PALLD: variants seen among roughly 807,000 people sequenced by gnomAD.
PALLD encodes the protein palladin.
A neutral mutation model predicts 123.5 loss-of-function variants in PALLD; 61 were observed. That is an observed-to-expected ratio of 0.49 (90% CI 0.40 to 0.61). The LOEUF (loss-of-function observed/expected upper bound fraction) is 0.61, where lower values mean the gene tolerates loss of function less well. PALLD is among the 20% of genes least tolerant of loss of function. The pLI is 0.00. For missense variants in PALLD, 1,273 were observed against 1,377.0 expected (o/e 0.92, Z 1.20); for synonymous variants, 465 against 496.4 (o/e 0.94, Z 0.84).
chr4:168,502,905 A>G (rs1761572371), intron 1 of PALLD, among the ~76,000 whole-genome samples: 1 of 152,206 alleles, frequency 6.6e-6, no homozygotes, highest in South Asian at 2.1e-4. Context: ...CCCTCACTCA[A>G]AAGAGCAGAA....
chr4:168,840,376 G>GA (rs1408549522), intron 10 of PALLD, among the ~76,000 whole-genome samples: 8 of 152,168 alleles, frequency 5.3e-5, no homozygotes, highest in African/African-American at 1.4e-4. Context: ...TTGAAGGGCA[G>GA]AAAAAATCAG....
chr4:168,681,221 C>A, intron 3 of PALLD, 111 bp from the exon 4 acceptor site: 1 of 706,130 alleles, frequency 1.4e-6, no homozygotes, highest in Non-Finnish European at 2.5e-6. Context: ...TTGTGTGTTT[C>A]GGTCAAAAAG....
At chr4:168,735,928 T>C (rs1223871504) in intron 10 of PALLD, among the ~76,000 whole-genome samples, 1 of 152,210 alleles carries the variant, frequency 6.6e-6, no homozygotes, top group East Asian at 1.9e-4. Flanking sequence ...GAATTACTCC[T>C]ATTAATAGCT....
chr4:168,809,363 G>A (rs538192144), intron 10 of PALLD, among the ~76,000 whole-genome samples: 1 of 150,796 alleles, frequency 6.6e-6, no homozygotes, highest in Non-Finnish European at 1.5e-5. Context: ...GAGAGACAGG[G>A]TCTCACCCTG....
chr4:168,706,528 G>T (rs921871286), intron 8 of PALLD, among the ~76,000 whole-genome samples: 3 of 152,130 alleles, frequency 2.0e-5, no homozygotes, highest in Non-Finnish European at 4.4e-5. Context: ...GTAGTCCTCA[G>T]ATCTTTCCTA....
chr4:168,880,707 CA>C (rs1752493767), intron 10 of PALLD, among the ~76,000 whole-genome samples: 1 of 152,148 alleles, frequency 6.6e-6, no homozygotes, highest in Non-Finnish European at 1.5e-5. Context: ...CAGGAACTGC[CA>C]AGTTATCATA....
rs574633794 is a variant in PALLD at position 168,648,635 on chromosome 4, G to C, written c.909-19555G>C. 8.5e-5 allele frequency: 13 copies of C among 152,260 alleles called. No homozygotes were observed. The South Asian group carries it at 2.7e-3, about 32-fold the overall frequency. 9.4% of individuals were successfully genotyped at this position (152,260 alleles called of 1,614,324 possible). ...TTTGCACCAAGCATCTGCTTTTAAGGTCTCTTCATGAATGTTCTTCTTATG... is the reference window on the plus strand; with the variant it reads ...TTTGCACCAAGCATCTGCTTTTAAGCTCTCTTCATGAATGTTCTTCTTATG... On this transcript the variant is annotated intron_variant, in intron 2 of 21. Coordinates refer to ENST00000505667, the MANE Select transcript of PALLD (RefSeq NM_001166108.2).
chr4:168,912,624 T>C (rs1337243976), intron 15 of PALLD, among the ~76,000 whole-genome samples: 1 of 152,210 alleles, frequency 6.6e-6, no homozygotes, highest in Non-Finnish European at 1.5e-5. Context: ...TGATTATACA[T>C]ATTTATGAGG....
intron 10 of PALLD, among the ~76,000 whole-genome samples, chr4:168,804,115 G>A (rs1195284011): frequency 6.6e-6 from 1 of 152,162 alleles, no homozygotes; most frequent in East Asian, 1.9e-4. Context: ...GCCCTTGAGA[G>A]TACTGCCCAA....
rs181397232 is a variant in PALLD at position 168,507,911 on chromosome 4, G to C, written c.-82-3512G>C. Among the ~76,000 whole-genome samples, 35 of 152,050 alleles carry C rather than the reference G, an allele frequency of 2.3e-4. No homozygotes were observed. In the South Asian group the frequency reaches 4.0e-3, roughly 17 times the overall value. ...TACCTGAGTCTGCCATGTGCTCTCT[G>C]GGATCCAAGTCTTAAAATACATATT... On this transcript the variant is annotated intron_variant, in intron 1 of 21. Coordinates refer to ENST00000505667, the MANE Select transcript of PALLD (RefSeq NM_001166108.2).
chr4:168,822,209 T>C (rs1292966009), intron 10 of PALLD, among the ~76,000 whole-genome samples: 2 of 148,692 alleles, frequency 1.3e-5, no homozygotes, highest in Admixed American at 1.4e-4. Flanking sequence ...TGTGTGATAA[T>C]AATGAACCTA....
chr4:168,909,214 A>G (rs937866196), intron 15 of PALLD, among the ~76,000 whole-genome samples: 2 of 152,180 alleles, frequency 1.3e-5, no homozygotes, highest in African/African-American at 4.8e-5. Flanking sequence ...TTGTGTTGCT[A>G]AGTTACTTTG....
chr4:168,608,243 T>G (rs1295306402), intron 2 of PALLD, among the ~76,000 whole-genome samples: 1 of 152,200 alleles, frequency 6.6e-6, no homozygotes, highest in Non-Finnish European at 1.5e-5. Context: ...ACTCCATGCT[T>G]TATAACTAAA....
At chr4:168,628,661 C>T (rs1775530989) in intron 2 of PALLD, among the ~76,000 whole-genome samples, 1 of 152,148 alleles carries the variant, frequency 6.6e-6, no homozygotes, top group Admixed American at 6.5e-5. Context: ...CTGGCCGCTC[C>T]GTTTTAAATT....
chr4:168,794,953 G>C (rs1204727104), intron 10 of PALLD, among the ~76,000 whole-genome samples: 1 of 152,172 alleles, frequency 6.6e-6, no homozygotes, highest in Non-Finnish European at 1.5e-5. Context: ...CTGGAGGCTG[G>C]GAAGTCCCAG....
rs1750788040 is a variant in PALLD at position 168,869,482 on chromosome 4, G to C, written c.1965-21440G>C. On this transcript the variant is annotated intron_variant, in intron 10 of 21. Coordinates refer to ENST00000505667, the MANE Select transcript of PALLD (RefSeq NM_001166108.2). This position sits in a 1 kb window ranked among gnomAD's most constrained non-coding sequence, Gnocchi z 4.5. ...CAGAAGGATGAAGACAGTGGATGGA[G>C]AGAAGTTGGTGGGGGTGGCCCTCCA... 6.6e-6 allele frequency among the ~76,000 whole-genome samples: 1 copy of C among 152,132 alleles called. No homozygotes were observed.
chr4:168,782,145 T>C (rs1158501164), intron 10 of PALLD, among the ~76,000 whole-genome samples: 3 of 152,088 alleles, frequency 2.0e-5, no homozygotes, highest in Non-Finnish European at 4.4e-5. Flanking sequence ...CTGAATATTA[T>C]AGTACAACCG....
chr4:168,588,574 G>A (rs1170952803), intron 2 of PALLD, among the ~76,000 whole-genome samples: 1 of 151,868 alleles, frequency 6.6e-6, no homozygotes, highest in Non-Finnish European at 1.5e-5. Flanking sequence ...GCTAACTTTT[G>A]TATTTTTATT....
chr4:168,895,391 C>G (rs1167528022), intron 12 of PALLD, among the ~76,000 whole-genome samples: 2 of 152,090 alleles, frequency 1.3e-5, no homozygotes, highest in Admixed American at 6.5e-5. Flanking sequence ...CAAAACAAAA[C>G]AAAACTAAAA....
Sources: gnomAD v4.1 joint callset for allele counts (sites outside exome capture counted in the v4.1 genomes callset) on GRCh38, gnomAD v4.1.1 for gene constraint, Gnocchi (gnomAD v3.1) non-coding constraint, MANE v1.5 for transcripts, NCBI Gene and HGNC (gene_info 2026-07-23, HGNC 2026-07-21) for gene names.